The following BCAS1 variants were observed in gnomAD, a reference collection of about 807,000 sequenced individuals.
BCAS1 encodes the protein brain enriched myelin associated protein 1.
BCAS1 carries 46 observed loss-of-function variants against 65.4 expected under a neutral mutation model. The observed-to-expected ratio is 0.70, with a 90% CI of 0.55 to 0.90. BCAS1 has a LOEUF of 0.90. Ranked by LOEUF, BCAS1 falls within the 40% of genes least tolerant of loss-of-function variation. The probability of loss-of-function intolerance (pLI) is 0.00; values close to 1 mark genes in which losing one functional copy is unlikely to be tolerated. For synonymous variants in BCAS1, 298 were observed against 293.5 expected, an observed-to-expected ratio of 1.02 and a Z score of -0.16; for missense variants, 793 against 771.2, an observed-to-expected ratio of 1.03 and a Z score of -0.33.
At chr20:53,975,245 C>T (rs2145698503) in intron 9 of BCAS1, 144 bp downstream of exon 9, 4 of 609,116 alleles carry the variant, frequency 6.6e-6, no homozygotes, top group South Asian at 6.5e-5. Flanking sequence ...CGTCCCTAAT[C>T]ACATACGGGA....
At chr20:53,977,056 G>A (rs2090352939) in intron 8 of BCAS1, among the ~76,000 whole-genome samples, 3 of 152,186 alleles carry the variant, frequency 2.0e-5, no homozygotes, top group Non-Finnish European at 4.4e-5. Flanking sequence ...CAATCATGGT[G>A]GAAGGGGAAA....
chr20:53,988,018 G>A (rs1381251481), intron 7 of BCAS1, among the ~76,000 whole-genome samples: 1 of 152,108 alleles, frequency 6.6e-6, no homozygotes, highest in Non-Finnish European at 1.5e-5. Flanking sequence ...AGGGGTTGGG[G>A]CTGACCTCAT....
intron 11 of BCAS1, among the ~76,000 whole-genome samples, chr20:53,955,436 C>T (rs2089670890): frequency 6.6e-6 from 1 of 152,202 alleles, no homozygotes; most frequent in African/African-American, 2.4e-5. Flanking sequence ...GAAACTCTCA[C>T]CACAATGCTC....
At chr20:54,002,696 A>G (rs1272733969) in intron 4 of BCAS1, among the ~76,000 whole-genome samples, 1 of 152,124 alleles carries the variant, frequency 6.6e-6, no homozygotes. Context: ...ATCTTTTTAT[A>G]TTAATTAGTG....
intron 1 of BCAS1, among the ~76,000 whole-genome samples, chr20:54,066,433 A>T (rs1478469920): frequency 6.6e-6 from 1 of 152,026 alleles, no homozygotes; most frequent in Non-Finnish European, 1.5e-5. Flanking sequence ...GGGAACTTAA[A>T]CTCCTCACTT....
chr20:53,988,299 C>T (rs2090666696), intron 7 of BCAS1, among the ~76,000 whole-genome samples: 1 of 152,162 alleles, frequency 6.6e-6, no homozygotes. Flanking sequence ...TCCAGTTTAC[C>T]TAATGCATTA....
chr20:53,981,630 G>C (rs1350759026), intron 8 of BCAS1, among the ~76,000 whole-genome samples: 1 of 150,568 alleles, frequency 6.6e-6, no homozygotes, highest in Non-Finnish European at 1.5e-5. Context: ...TGAGGCTCAA[G>C]AGTTTAAGTG....
chr20:54,028,951 T>G lies in BCAS1; in HGVS notation c.164A>C (p.Lys55Thr). 6.2e-7 allele frequency: 1 copy of G among 1,610,604 alleles called. No homozygotes were observed. ...GGAAGAAGTGGCCACATTATCCGTCTTGACACTTATTCCCAAGTCGACTGT... is the reference window on the plus strand; with the variant it reads ...GGAAGAAGTGGCCACATTATCCGTCGTGACACTTATTCCCAAGTCGACTGT... ...LEEVDLGISV[K>T]TDNVATSSPE... Residue 55 changes from lysine (K) to threonine (T), a missense_variant, in exon 4 of 13, where the codon AAG becomes ACG. Lys to Thr is a moderately conservative substitution (Grantham distance 78). Transcript: ENST00000688948.
intron 9 of BCAS1, among the ~76,000 whole-genome samples, chr20:53,973,421 T>C (rs1472159153): frequency 6.6e-6 from 1 of 152,218 alleles, no homozygotes; most frequent in Non-Finnish European, 1.5e-5. Context: ...TGTCGATAAT[T>C]TAACTTTTAA....
intron 3 of BCAS1, among the ~76,000 whole-genome samples, chr20:54,045,615 C>T (rs1027797385): frequency 6.6e-6 from 1 of 152,160 alleles, no homozygotes; most frequent in Non-Finnish European, 1.5e-5. Flanking sequence ...TTGTAAATGC[C>T]TATGCTAAAG....
At chr20:54,029,119 C>T in intron 3 of BCAS1, 147 bp from the exon 4 acceptor site, 1 of 1,434,304 alleles carries the variant, frequency 7.0e-7, no homozygotes, top group South Asian at 1.5e-5. Context: ...CAGAAGTTAG[C>T]TCTCTACATC....
chr20:54,009,624 G>C (rs2091278466), intron 4 of BCAS1, among the ~76,000 whole-genome samples: 1 of 152,070 alleles, frequency 6.6e-6, no homozygotes, highest in African/African-American at 2.4e-5. Context: ...GACTTCACTG[G>C]AGAATTCTAT....
chr20:53,985,633 T>G (rs2090598246), intron 7 of BCAS1, 134 bp from the exon 8 acceptor site: 2 of 758,154 alleles, frequency 2.6e-6, no homozygotes, highest in Middle Eastern at 4.0e-4. Context: ...TTTTCTGTAT[T>G]TTAAAAATTT....
intron 6 of BCAS1, among the ~76,000 whole-genome samples, chr20:53,994,414 G>A (rs6127045): frequency 6.6e-6 from 1 of 152,194 alleles, no homozygotes; most frequent in African/African-American, 2.4e-5. Context: ...GAAGAACCTA[G>A]GCTCTCTAGC....
rs1240380301 is a variant in BCAS1 at position 53,985,433 on chromosome 20, C to G, written c.1129G>C (p.Glu377Gln). Residue 377 changes from glutamate to glutamine, a missense_variant, in exon 8 of 13, where the codon GAG (glutamate) becomes CAG (glutamine). Coordinates refer to ENST00000688948, the MANE Select transcript of BCAS1 (RefSeq NM_001366298.2). ...GAATTCTTGCCAGCCCCTTGGGTCTCCTGGGATGTAAAGTTGGCTTTGTCT... is the reference window on the plus strand; with the variant it reads ...GAATTCTTGCCAGCCCCTTGGGTCTGCTGGGATGTAAAGTTGGCTTTGTCT... ...KSDKANFTSQ[E>Q]TQGAGKNSKG... 1 of 1,613,866 alleles carries G rather than the reference C, an allele frequency of 6.2e-7. No homozygotes were observed. The highest frequency in any genetic ancestry group is 1.1e-5 in the South Asian group (1 of 91,060).
Position 54,030,692 on chromosome 20 carries a change from A to C in BCAS1, c.143-1720T>G, listed in dbSNP as rs573866442. Among the ~76,000 whole-genome samples, 454 of 151,428 alleles carry C rather than the reference A, an allele frequency of 3.0e-3. 10 individuals are homozygous for C. Among genetic ancestry groups the C allele is most frequent in the African/African-American group, 0.011 (436 of 41,472 alleles). On this transcript the variant is annotated intron_variant, in intron 3 of 12. Coordinates refer to ENST00000688948, the MANE Select transcript of BCAS1 (RefSeq NM_001366298.2). ...GTCTAGACTAAACAACAAACAAAAA[A>C]GGGGGGAGAGTGAGCTGGATTAAGC...
chr20:54,002,184 C>T (rs534700081), intron 4 of BCAS1, among the ~76,000 whole-genome samples: 1 of 152,204 alleles, frequency 6.6e-6, no homozygotes, highest in East Asian at 1.9e-4. Context: ...GATGCTTTGT[C>T]TATGAACTCT....
At chr20:53,960,865 A>T (rs1352335555) in intron 10 of BCAS1, among the ~76,000 whole-genome samples, 1 of 152,244 alleles carries the variant, frequency 6.6e-6, no homozygotes. Context: ...TAGCAAAGTT[A>T]CTGTTTAAAG....
intron 8 of BCAS1, among the ~76,000 whole-genome samples, chr20:53,981,499 A>G (rs2090477369): frequency 6.6e-6 from 1 of 151,886 alleles, no homozygotes; most frequent in South Asian, 2.1e-4. Flanking sequence ...GTTGTTTCAG[A>G]ATCGGGTTAT....
Sources: gnomAD v4.1 joint callset for allele counts (sites outside exome capture counted in the v4.1 genomes callset) on GRCh38, gnomAD v4.1.1 for gene constraint, MANE v1.5 for transcripts, NCBI Gene and HGNC (gene_info 2026-07-23, HGNC 2026-07-21) for gene names.